Variants in ABI3BP observed in about 807,000 individuals in gnomAD.
The protein encoded by ABI3BP is target of Nesh-SH3.
A neutral mutation model predicts 268.6 loss-of-function variants in ABI3BP; 216 were observed. That is an observed-to-expected ratio of 0.80 (90% CI 0.72 to 0.90). The LOEUF is 0.90. Among genes scored for constraint, ABI3BP ranks in the 40% least tolerant of loss-of-function variants. The pLI, the probability that ABI3BP is intolerant of heterozygous loss-of-function variation, is 0.00. For missense variants in ABI3BP, 2,090 were observed against 2,182.4 expected (o/e 0.96, Z 0.84); for synonymous variants, 730 against 730.0 (o/e 1.00, Z 0.00).
intron 1 of ABI3BP, among the ~76,000 whole-genome samples, chr3:100,933,103 C>G (rs1324490176): frequency 1.3e-5 from 2 of 151,864 alleles, no homozygotes; most frequent in African/African-American, 4.8e-5. Context: ...AAAATTACTT[C>G]AAGAGAAAAG....
chr3:100,794,869 G>T, intron 54 of ABI3BP, 54 bp downstream of exon 54: 3 of 1,339,784 alleles, frequency 2.2e-6, no homozygotes, highest in Non-Finnish European at 2.1e-6. Flanking sequence ...GTTACTTTAA[G>T]GGAAATTCCT....
At chr3:100,800,410 A>G (rs900530357) in intron 51 of ABI3BP, among the ~76,000 whole-genome samples, 19 of 152,288 alleles carry the variant, frequency 1.2e-4, no homozygotes, top group Admixed American at 9.8e-4. Context: ...TCCAATTTAC[A>G]TTAAGTCTTC....
intron 9 of ABI3BP, among the ~76,000 whole-genome samples, chr3:100,868,104 G>T (rs1445469367): frequency 6.6e-6 from 1 of 152,030 alleles, no homozygotes; most frequent in Non-Finnish European, 1.5e-5. Context: ...TGCCCCTTTG[G>T]GATACCCTGA....
intron 1 of ABI3BP, among the ~76,000 whole-genome samples, chr3:100,960,849 C>G (rs540206362): frequency 7.2e-5 from 11 of 152,098 alleles, no homozygotes; most frequent in African/African-American, 1.9e-4. Flanking sequence ...CCTGAATGAG[C>G]CTGGAAGTGG....
chr3:100,908,511 T>C (rs2054627898), intron 2 of ABI3BP, among the ~76,000 whole-genome samples: 1 of 150,212 alleles, frequency 6.7e-6, no homozygotes, highest in Non-Finnish European at 1.5e-5. Context: ...ACAAACCCCA[T>C]AATCTCAGCC....
At position 100,902,621 on chromosome 3, in the gene ABI3BP, A is replaced by G. The variant is rs146389023; in HGVS notation, c.325T>C (p.Ser109Pro). Reference sequence around the variant, plus strand: ...AATTCAATGCAAAGGACTATACCTGAACATGACTTCTTTTGACTTGGAGGT... The same window carrying G: ...AATTCAATGCAAAGGACTATACCTGGACATGACTTCTTTTGACTTGGAGGT... ...APPPSQKKSC[S>P]GKTRSRKPLQ... Residue 109 changes from serine (S) to proline (P), a missense_variant, in exon 3 of 68, where the codon TCA becomes CCA. Coordinates refer to ENST00000471714, the MANE Select transcript of ABI3BP (RefSeq NM_001375547.2). The G allele has an allele frequency of 6.2e-6, 10 of 1,613,872 alleles. No individual in the cohort carries two copies. The Admixed American group carries it at 1.7e-4, about 27-fold the overall frequency.
chr3:100,834,766 T>G lies in ABI3BP; in HGVS notation c.2199A>C (p.Lys733Asn), dbSNP rs1445019519. The change falls in exon 29 of 68, where the codon AAA (lysine) becomes AAC (asparagine). Residue 733 changes from lysine to asparagine, a missense_variant. By Grantham distance (94) the Lys-to-Asn change is moderately conservative (BLOSUM62 0). Transcript: ENST00000471714. ...GACGTGTTCTTGTTCGTTGCGATGT[T>G]TTTGGAGCTAAAGAAAGGAAACTGG... Reference protein sequence around the residue: ...TEATVTTLAPKTSQRTRTRRP... With the variant: ...TEATVTTLAPNTSQRTRTRRP... 1 of 1,535,472 alleles carries G rather than the reference T, an allele frequency of 6.5e-7. No individual in the cohort carries two copies. Among genetic ancestry groups the G allele is most frequent in the African/African-American group, 1.4e-5 (1 of 72,974 alleles).
chr3:100,783,696 C>T (rs1256149089), intron 57 of ABI3BP, among the ~76,000 whole-genome samples: 3 of 152,236 alleles, frequency 2.0e-5, no homozygotes, highest in African/African-American at 4.8e-5. Context: ...GTGGGCCATA[C>T]TGTCTCTGCC....
Position 100,825,796 on chromosome 3 carries a change from G to A in ABI3BP, c.2651C>T (p.Ala884Val), listed in dbSNP as rs1243405506. ...EPVTFRTEIP[A>V]TTLATKTSKR... ...TGTAGGGTCGTTACCTAAGGTTGTT[G>A]CAGGGATCTCAGTTCTAAAAGTAAC... Residue 884 changes from alanine to valine, a missense_variant, in exon 35 of 68, where the codon GCA becomes GTA. By Grantham distance (64) the Ala-to-Val change is moderately conservative. Coordinates refer to ENST00000471714, the MANE Select transcript of ABI3BP (RefSeq NM_001375547.2). 2.6e-6 allele frequency: 4 copies of A among 1,535,422 alleles called. No homozygotes were observed. In the South Asian group the frequency reaches 3.6e-5, roughly 14 times the overall value.
intron 15 of ABI3BP, among the ~76,000 whole-genome samples, chr3:100,851,545 A>C (rs2098839313): frequency 6.6e-6 from 1 of 152,200 alleles, no homozygotes; most frequent in Admixed American, 6.5e-5. Context: ...CCCCCATTTG[A>C]GAACTACTGC....
At chr3:100,980,312 G>A (rs977488205) in intron 1 of ABI3BP, among the ~76,000 whole-genome samples, 1 of 151,898 alleles carries the variant, frequency 6.6e-6, no homozygotes, top group Non-Finnish European at 1.5e-5. Context: ...CTCACTGCAA[G>A]GTCTGCCTCC....
rs145860057 is a variant in ABI3BP at position 100,884,212 on chromosome 3, A to G, written c.696+1324T>C. On this transcript the variant is annotated intron_variant, in intron 6 of 67. Transcript: ENST00000471714. ...CACTTAACATTCTAAATATTTAAGT[A>G]TTAGACAATTAGAAAAGCAGCAAAA... is the stretch of plus-strand genomic sequence containing the variant. 2.0e-5 allele frequency among the ~76,000 whole-genome samples: 3 copies of G among 152,182 alleles called. No individual in the cohort carries two copies. The East Asian group carries it at 5.8e-4, about 29-fold the overall frequency.
chr3:100,813,189 A>G (rs896318790), intron 45 of ABI3BP, among the ~76,000 whole-genome samples: 4 of 152,148 alleles, frequency 2.6e-5, no homozygotes, highest in African/African-American at 9.7e-5. Context: ...CCTATTTACA[A>G]GCTTGAAGGG....
chr3:100,813,811 G>T, intron 44 of ABI3BP, 76 bp from the exon 45 acceptor site: 1 of 1,223,544 alleles, frequency 8.2e-7, no homozygotes, highest in Non-Finnish European at 1.2e-6. Flanking sequence ...AGGTAGCAGT[G>T]AAATAAAATA....
chr3:100,780,005 G>A, intron 58 of ABI3BP, 127 bp downstream of exon 58: 2 of 743,406 alleles, frequency 2.7e-6, no homozygotes, highest in East Asian at 2.7e-5. Context: ...CCCATGCACT[G>A]TGTGTGTGGT....
intron 50 of ABI3BP, among the ~76,000 whole-genome samples, chr3:100,806,197 C>T (rs1992107): frequency 0.16 from 23,964 of 151,964 alleles, 1,995 homozygotes; most frequent in East Asian, 0.26. Flanking sequence ...AGTTACATGC[C>T]AAATTACAGA....
chr3:100,901,021 G>A (rs79373562), intron 3 of ABI3BP, among the ~76,000 whole-genome samples: 2,751 of 152,228 alleles, frequency 0.018, 41 homozygotes, highest in Non-Finnish European at 0.03. Flanking sequence ...AGATTCCATG[G>A]AATCACACTG....
At chr3:100,785,118 TTAAC>T (rs1370505071) in intron 57 of ABI3BP, among the ~76,000 whole-genome samples, 1 of 152,190 alleles carries the variant, frequency 6.6e-6, no homozygotes, top group Admixed American at 6.6e-5. Flanking sequence ...ACTTCCTTTA[TTAAC>T]TAATTTTTTA....
At chr3:100,975,380 G>A (rs1458462813) in intron 1 of ABI3BP, among the ~76,000 whole-genome samples, 1 of 152,068 alleles carries the variant, frequency 6.6e-6, no homozygotes, top group Non-Finnish European at 1.5e-5. Context: ...TTAGAAGGGA[G>A]CCCCAGCTGT....
Sources: allele counts gnomAD v4.1 joint callset (sites outside exome capture counted in the v4.1 genomes callset), GRCh38; gene constraint gnomAD v4.1.1; transcripts MANE v1.5; gene names NCBI Gene and HGNC (gene_info 2026-07-23, HGNC 2026-07-21).